The following ASIC2 variants were observed in gnomAD, a reference collection of about 807,000 sequenced individuals.
ASIC2 encodes acid sensing ion channel subunit 2, also known as acid-sensing ion channel 2.
Under a neutral mutation model 57.3 loss-of-function variants are expected in ASIC2, and 25 were observed. That is an observed-to-expected ratio of 0.44 (90% confidence interval 0.32 to 0.61). The LOEUF (loss-of-function observed/expected upper bound fraction) is 0.61. Among genes scored for constraint, ASIC2 ranks in the 20% least tolerant of loss-of-function variants. The probability of loss-of-function intolerance (pLI) is 0.06; values close to 1 mark genes in which losing one functional copy is unlikely to be tolerated. For missense variants in ASIC2, 641 were observed against 738.1 expected (o/e 0.87, Z 1.52); for synonymous variants, 319 against 307.5 (o/e 1.04, Z -0.39).
chr17:33,246,953 C>G (rs546517598), intron 1 of ASIC2, among the ~76,000 whole-genome samples: 252 of 151,918 alleles, frequency 1.7e-3, no homozygotes, highest in Non-Finnish European at 2.8e-3. Flanking sequence ...TTTTTAAGAG[C>G]CAACAACAAG....
intron 1 of ASIC2, among the ~76,000 whole-genome samples, chr17:33,214,213 A>T (rs562990763): frequency 6.6e-6 from 1 of 152,164 alleles, no homozygotes; most frequent in Non-Finnish European, 1.5e-5. Flanking sequence ...GCAATAAATT[A>T]GAATGTCAGC....
At chr17:33,993,246 G>A (rs902270384) in intron 1 of ASIC2, among the ~76,000 whole-genome samples, 3 of 152,158 alleles carry the variant, frequency 2.0e-5, no homozygotes, top group Non-Finnish European at 2.9e-5. Flanking sequence ...AAGCAGTAAG[G>A]TTACAAGGAG....
intron 1 of ASIC2, among the ~76,000 whole-genome samples, chr17:33,189,083 T>C (rs1906313918): frequency 6.6e-6 from 1 of 152,184 alleles, no homozygotes; most frequent in African/African-American, 2.4e-5. Flanking sequence ...GTTAAAGATT[T>C]ATGCTGTAAG....
intron 1 of ASIC2, among the ~76,000 whole-genome samples, chr17:33,636,737 C>T (rs191065423): frequency 2.3e-3 from 344 of 152,258 alleles, no homozygotes; most frequent in Non-Finnish European, 4.3e-3. Flanking sequence ...ACACACAGCA[C>T]TCAGACACAC....
rs1030377401 is a variant in ASIC2, at chr17:33,879,575, C to A, written c.555+276403G>T. On this transcript the variant is annotated intron_variant, in intron 1 of 9. Transcript: ENST00000359872. ...GCTAACTATCCTAAATATATATGCA[C>A]CCAATACAGGAGCACCCAGATTCAT... is the stretch of plus-strand genomic sequence containing the variant. Among the ~76,000 whole-genome samples the A allele has an allele frequency of 2.6e-5, 4 of 152,296 alleles. No homozygotes were observed. In the East Asian group the frequency reaches 7.7e-4, roughly 29 times the overall value.
At chr17:33,456,545 C>A (rs796129751) in intron 1 of ASIC2, among the ~76,000 whole-genome samples, 1 of 152,180 alleles carries the variant, frequency 6.6e-6, no homozygotes, top group Non-Finnish European at 1.5e-5. Flanking sequence ...GATGGCATGT[C>A]TTTTCTCCAC....
At chr17:33,053,623 C>T (rs1598254952) in intron 3 of ASIC2, among the ~76,000 whole-genome samples, 1 of 152,166 alleles carries the variant, frequency 6.6e-6, no homozygotes, top group East Asian at 1.9e-4. Context: ...ATCTGACCCC[C>T]ACCTGATCTT....
intron 1 of ASIC2, among the ~76,000 whole-genome samples, chr17:33,628,955 T>C (rs1906074863): frequency 6.6e-6 from 1 of 152,096 alleles, no homozygotes; most frequent in African/African-American, 2.4e-5. Flanking sequence ...CTCAGCACAG[T>C]GTTGGGAATA....
intron 1 of ASIC2, among the ~76,000 whole-genome samples, chr17:33,904,502 A>AGCTAT (rs1362066688): frequency 6.6e-5 from 10 of 152,204 alleles, no homozygotes; most frequent in African/African-American, 2.4e-4. Flanking sequence ...TCTGAGGCAG[A>AGCTAT]GCTATAGAGT....
chr17:33,265,250 A>G (rs1017677969), intron 1 of ASIC2, among the ~76,000 whole-genome samples: 4 of 152,232 alleles, frequency 2.6e-5, no homozygotes, highest in African/African-American at 9.6e-5. Context: ...AAGGCATGGA[A>G]TCAACCCAAA....
At chr17:33,667,888 A>T (rs1214989485) in intron 1 of ASIC2, among the ~76,000 whole-genome samples, 1 of 152,184 alleles carries the variant, frequency 6.6e-6, no homozygotes, top group Non-Finnish European at 1.5e-5. Context: ...CTGCTTAAGG[A>T]AACCAAATGG....
intron 1 of ASIC2, among the ~76,000 whole-genome samples, chr17:33,823,005 A>G (rs572218841): frequency 6.6e-6 from 1 of 152,326 alleles, no homozygotes; most frequent in African/African-American, 2.4e-5. Context: ...AAGTGCCTGC[A>G]TGCAGAAGAT....
At chr17:33,934,636 G>A (rs1314737010) in intron 1 of ASIC2, among the ~76,000 whole-genome samples, 1 of 152,194 alleles carries the variant, frequency 6.6e-6, no homozygotes, top group Admixed American at 6.5e-5. Context: ...ATTTCCCATT[G>A]CCTACCGGGG....
chr17:34,142,338 C>T (rs569852563), intron 1 of ASIC2, among the ~76,000 whole-genome samples: 14 of 152,144 alleles, frequency 9.2e-5, no homozygotes, highest in Non-Finnish European at 1.5e-4. Flanking sequence ...AGAAAAAAAC[C>T]CTTTTCAGAG....
At chr17:33,661,010 G>A (rs1478083890) in intron 1 of ASIC2, among the ~76,000 whole-genome samples, 1 of 152,056 alleles carries the variant, frequency 6.6e-6, no homozygotes, top group African/African-American at 2.4e-5. Flanking sequence ...TTCACTATCC[G>A]GTCTGTTGGA....
chr17:33,833,196 A>G (rs1286125037), intron 1 of ASIC2, among the ~76,000 whole-genome samples: 1 of 152,200 alleles, frequency 6.6e-6, no homozygotes, highest in Non-Finnish European at 1.5e-5. Context: ...GTTTTTATGG[A>G]GGGGCAATAG....
chr17:33,835,730 C>T (rs918799535), intron 1 of ASIC2, among the ~76,000 whole-genome samples: 2 of 152,152 alleles, frequency 1.3e-5, no homozygotes, highest in Non-Finnish European at 2.9e-5. Context: ...TATACTATTT[C>T]AATCACTGAC....
chr17:33,068,149 G>A (rs223037), intron 3 of ASIC2, among the ~76,000 whole-genome samples: 1 of 151,910 alleles, frequency 6.6e-6, no homozygotes, highest in Non-Finnish European at 1.5e-5. Context: ...GACCTGGGGG[G>A]GTGGAAGGGT....
At chr17:33,147,742 A>G (rs541246312) in intron 1 of ASIC2, among the ~76,000 whole-genome samples, 1 of 152,322 alleles carries the variant, frequency 6.6e-6, no homozygotes, top group East Asian at 1.9e-4. Flanking sequence ...CTCAGCTGGC[A>G]TGCAGGGGAA....
Sources: allele counts gnomAD v4.1 joint callset (sites outside exome capture counted in the v4.1 genomes callset), GRCh38; gene constraint gnomAD v4.1.1; transcripts MANE v1.5; gene names NCBI Gene and HGNC (gene_info 2026-07-23, HGNC 2026-07-21).